The following COL4A5 variants were observed in gnomAD, a reference collection of about 807,000 sequenced individuals.
COL4A5 encodes collagen alpha-5(IV) chain.
A neutral mutation model predicts 130.2 loss-of-function variants in COL4A5; 26 were observed. The ratio of observed to expected loss-of-function variants is 0.20; its 90% confidence interval spans 0.15 to 0.28. The LOEUF (loss-of-function observed/expected upper bound fraction) is 0.28, where lower values mean the gene tolerates loss of function less well. Among genes scored for constraint, COL4A5 ranks in the 10% least tolerant of loss-of-function variants. The probability of loss-of-function intolerance (pLI) is 1.00; values close to 1 mark genes in which losing one functional copy is unlikely to be tolerated. For missense variants in COL4A5, 1,131 were observed against 1,344.3 expected, an observed-to-expected ratio of 0.84 and a Z score of 2.48; for synonymous variants, 496 against 439.6, an observed-to-expected ratio of 1.13 and a Z score of -1.60.
At chrX:108,458,964 C>A (rs1470022562) in intron 1 of COL4A5, among the ~76,000 whole-genome samples, 1 of 88,325 alleles carries the variant, frequency 1.1e-5, no homozygotes, top group African/African-American at 4.3e-5. Flanking sequence ...TGGGTGACAG[C>A]GAGACTCCGT....
intron 16 of COL4A5, 171 bp from the exon 17 acceptor site, chrX:108,582,713 T>G (rs2066270848): frequency 5.5e-6 from 2 of 363,512 alleles, no homozygotes; most frequent in African/African-American, 6.2e-5. Context: ...TTTTTTTTTT[T>G]TCTGAGAAAA....
chrX:108,646,899 G>A (rs1183902243), intron 36 of COL4A5, among the ~76,000 whole-genome samples: 114 of 108,861 alleles, frequency 1.0e-3, no homozygotes, highest in African/African-American at 3.4e-3. Context: ...GTAGATATGC[G>A]GCATTATTTC....
At chrX:108,465,408 C>T (rs1308276618) in intron 1 of COL4A5, among the ~76,000 whole-genome samples, 1 of 111,457 alleles carries the variant, frequency 9.0e-6, no homozygotes, top group Non-Finnish European at 1.9e-5. Context: ...TGCATATTCT[C>T]AAATCTTTGC....
chrX:108,487,884 G>T (rs1324691863), intron 1 of COL4A5, among the ~76,000 whole-genome samples: 1 of 112,026 alleles, frequency 8.9e-6, no homozygotes, highest in African/African-American at 3.2e-5. Context: ...GAAATAAAAT[G>T]GTACCTTTCG....
At chrX:108,596,312 A>C (rs1197402262) in intron 22 of COL4A5, among the ~76,000 whole-genome samples, 1 of 112,112 alleles carries the variant, frequency 8.9e-6, no homozygotes, top group Non-Finnish European at 1.9e-5. Flanking sequence ...CTAGCCTTGT[A>C]CCTCTAGTCT....
At chrX:108,492,663 C>G (rs1024023280) in intron 1 of COL4A5, among the ~76,000 whole-genome samples, 4 of 111,318 alleles carry the variant, frequency 3.6e-5, no homozygotes, top group Non-Finnish European at 7.6e-5. Context: ...TAGAGGATCC[C>G]CATTTACTAG....
intron 1 of COL4A5, among the ~76,000 whole-genome samples, chrX:108,536,041 C>T (rs760090141): frequency 1.8e-5 from 2 of 111,410 alleles, no homozygotes; most frequent in Non-Finnish European, 3.8e-5. Flanking sequence ...AGAATCTTTA[C>T]GATGGGTTGC....
intron 1 of COL4A5, among the ~76,000 whole-genome samples, chrX:108,482,384 C>T (rs974512701): frequency 9.0e-6 from 1 of 111,197 alleles, no homozygotes; most frequent in African/African-American, 3.3e-5. Flanking sequence ...CTGGCAATTG[C>T]CTCAGGGGAG....
rs1229179113 is a variant in COL4A5 at position 108,696,478 on chromosome X, C to T, written c.*100C>T. The T allele has an allele frequency of 1.0e-5, 6 of 597,916 alleles. No homozygotes were observed. Among genetic ancestry groups the T allele is most frequent in the Admixed American group, 8.4e-5 (3 of 35,853 alleles). 49.3% of individuals were successfully genotyped at this position (597,916 alleles called of 1,213,427 possible). ...TTGTCCCCAACTTTACTACTGCTGC[C>T]GTCAATGGTGCTACTATATATGATC... On this transcript the variant is annotated 3_prime_UTR_variant, in exon 53 of 53. Coordinates refer to ENST00000328300, the MANE Select transcript of COL4A5 (RefSeq NM_033380.3).
intron 1 of COL4A5, among the ~76,000 whole-genome samples, chrX:108,485,459 A>T (rs1017096008): frequency 1.8e-5 from 2 of 111,649 alleles, no homozygotes; most frequent in African/African-American, 6.5e-5. Context: ...CCCATGGTGT[A>T]CTACCTGGGT....
At chrX:108,585,945 G>A (rs180962606) in intron 18 of COL4A5, among the ~76,000 whole-genome samples, 1 of 110,967 alleles carries the variant, frequency 9.0e-6, no homozygotes, top group Admixed American at 9.7e-5. Flanking sequence ...ACACATGTTT[G>A]GAATGAAATA....
chrX:108,539,039 A>G (rs1407079341), intron 1 of COL4A5, among the ~76,000 whole-genome samples: 1 of 111,655 alleles, frequency 9.0e-6, no homozygotes, highest in Non-Finnish European at 1.9e-5. Context: ...AAGGTGGTAA[A>G]AGATAGTGTT....
At chrX:108,528,242 C>T (rs996797392) in intron 1 of COL4A5, among the ~76,000 whole-genome samples, 4 of 112,186 alleles carry the variant, frequency 3.6e-5, no homozygotes, top group Non-Finnish European at 7.5e-5. Flanking sequence ...CCCTAACACA[C>T]CAAGGAAACC....
chrX:108,640,359 T>A (rs1035659792), intron 36 of COL4A5, among the ~76,000 whole-genome samples: 3 of 111,423 alleles, frequency 2.7e-5, no homozygotes, highest in African/African-American at 6.5e-5. Context: ...AGACAGAAGG[T>A]AGAATGGTAA....
At chrX:108,481,837 A>T (rs1433150171) in intron 1 of COL4A5, among the ~76,000 whole-genome samples, 1 of 111,545 alleles carries the variant, frequency 9.0e-6, no homozygotes, top group Non-Finnish European at 1.9e-5. Context: ...AATCTATTTC[A>T]CAAGGCATTG....
Position 108,684,200 on chromosome X carries a change from A to G in COL4A5, c.4217-1831A>G, listed in dbSNP as rs973894833. On this transcript the variant is annotated intron_variant, in intron 47 of 52. Coordinates refer to ENST00000328300, the MANE Select transcript of COL4A5 (RefSeq NM_033380.3). ...ATCAATACCCTTATATCAAAATTAAAAGAACTAGAGAAGCAAGAACAAACA... is the reference window on the plus strand; with the variant it reads ...ATCAATACCCTTATATCAAAATTAAGAGAACTAGAGAAGCAAGAACAAACA... Among the ~76,000 whole-genome samples, 4 of 111,544 alleles carry G rather than the reference A, an allele frequency of 3.6e-5. 1 individual carries two copies. Among genetic ancestry groups the G allele is most frequent in the Non-Finnish European group, 7.5e-5 (4 of 53,145 alleles).
chrX:108,526,671 C>CTTTCTT (rs1210257594), intron 1 of COL4A5, among the ~76,000 whole-genome samples: 1 of 41,890 alleles, frequency 2.4e-5, no homozygotes, highest in African/African-American at 1.0e-4. Context: ...TTCTTTCTTT[C>CTTTCTT]TCTTTCTTTC....
At chrX:108,624,982 C>T (rs745929763) in intron 34 of COL4A5, among the ~76,000 whole-genome samples, 3 of 111,976 alleles carry the variant, frequency 2.7e-5, no homozygotes, top group Non-Finnish European at 5.6e-5. Context: ...AGACTCCATA[C>T]TACATGGCCT....
rs2065934374 is a variant in COL4A5, at chrX:108,563,943, C to G, written c.276+17C>G. 1.7e-6 allele frequency: 2 copies of G among 1,163,460 alleles called. No homozygotes were observed. Among genetic ancestry groups the G allele is most frequent in the Non-Finnish European group, 2.3e-6 (2 of 853,936 alleles). ...GGAATCAGAGTAAGTAGTATTTTCT[C>G]TATATCAAATACTTTGTTGGTGGAA... is the stretch of plus-strand genomic sequence containing the variant. On this transcript the variant is annotated intron_variant, in intron 4 of 52. Coordinates refer to ENST00000328300, the MANE Select transcript of COL4A5 (RefSeq NM_033380.3).
Sources: allele counts gnomAD v4.1 joint callset (sites outside exome capture counted in the v4.1 genomes callset), GRCh38; gene constraint gnomAD v4.1.1; transcripts MANE v1.5; gene names NCBI Gene and HGNC (gene_info 2026-07-23, HGNC 2026-07-21).